The following CAMTA1 variants were observed in gnomAD, a reference collection of about 807,000 sequenced individuals.
The protein encoded by CAMTA1 is calmodulin-binding transcription activator 1.
Under a neutral mutation model 170.9 loss-of-function variants are expected in CAMTA1, and 27 were observed. The ratio of observed to expected loss-of-function variants is 0.16; its 90% confidence interval spans 0.12 to 0.22. The LOEUF (loss-of-function observed/expected upper bound fraction) is 0.22. CAMTA1 is among the 10% of genes least tolerant of loss of function. CAMTA1 has a pLI of 1.00. For missense variants in CAMTA1, 1,619 were observed against 2,217.2 expected, an observed-to-expected ratio of 0.73 and a Z score of 5.42; for synonymous variants, 833 against 891.5, an observed-to-expected ratio of 0.93 and a Z score of 1.17.
At chr1:7,434,852 G>T (rs1211494522) in intron 5 of CAMTA1, among the ~76,000 whole-genome samples, 1 of 146,418 alleles carries the variant, frequency 6.8e-6, no homozygotes, top group Non-Finnish European at 1.5e-5. Context: ...ACCAACCTGG[G>T]CAACATGGCA....
intron 4 of CAMTA1, among the ~76,000 whole-genome samples, chr1:7,219,147 A>G (rs536914852): frequency 6.6e-6 from 1 of 152,278 alleles, no homozygotes; most frequent in Non-Finnish European, 1.5e-5. Flanking sequence ...GCTTGTTTAC[A>G]CCGGCATCTG....
intron 11 of CAMTA1, among the ~76,000 whole-genome samples, chr1:7,690,058 CTGAG>C (rs1352204243): frequency 6.6e-6 from 1 of 152,170 alleles, no homozygotes; most frequent in Non-Finnish European, 1.5e-5. Context: ...ACTCGGGAGG[CTGAG>C]TGAGACAGGA....
chr1:7,707,911 A>G (rs961139988), intron 11 of CAMTA1, among the ~76,000 whole-genome samples: 2 of 152,176 alleles, frequency 1.3e-5, no homozygotes, highest in Non-Finnish European at 2.9e-5. Flanking sequence ...ATGTGACTAC[A>G]TTTGGCTTAA....
At chr1:6,926,630 C>T (rs1327224092) in intron 3 of CAMTA1, among the ~76,000 whole-genome samples, 3 of 146,372 alleles carry the variant, frequency 2.0e-5, no homozygotes, top group African/African-American at 7.6e-5. Context: ...CTCCCCTCCC[C>T]TCCTCTTCTT....
intron 3 of CAMTA1, among the ~76,000 whole-genome samples, chr1:7,048,657 C>T (rs916090101): frequency 2.6e-5 from 4 of 152,212 alleles, no homozygotes; most frequent in African/African-American, 9.6e-5. Context: ...GTCCCTGAGC[C>T]TTCCCTTGCA....
chr1:7,394,517 T>G (rs1339100994), intron 5 of CAMTA1, among the ~76,000 whole-genome samples: 3 of 152,204 alleles, frequency 2.0e-5, no homozygotes. Context: ...TCAGGTTTTT[T>G]GCCCACTTTT....
Position 7,701,872 on chromosome 1 carries a change from G to A in CAMTA1, c.2914+24139G>A, listed in dbSNP as rs568356158. Among the ~76,000 whole-genome samples, 97 of 152,206 alleles carry A rather than the reference G, an allele frequency of 6.4e-4. No homozygotes were observed. The South Asian group carries it at 0.017, about 27-fold the overall frequency. On this transcript the variant is annotated intron_variant, in intron 11 of 22. Coordinates refer to ENST00000303635, the MANE Select transcript of CAMTA1 (RefSeq NM_015215.4). ...GTAACAATATGCTTGAATCATGCGC[G>A]TGCCTTATTCTCTCATCTTCTAACT...
chr1:7,403,937 G>C (rs1046536101), intron 5 of CAMTA1, among the ~76,000 whole-genome samples: 8 of 152,292 alleles, frequency 5.3e-5, no homozygotes, highest in Middle Eastern at 3.4e-3. Context: ...GGCAGAGTCC[G>C]GGCCCCTGAC....
intron 11 of CAMTA1, among the ~76,000 whole-genome samples, chr1:7,684,999 G>A (rs932406496): frequency 2.6e-5 from 4 of 152,174 alleles, no homozygotes; most frequent in African/African-American, 7.2e-5. Context: ...GGACTCCGCG[G>A]TGTCGGGGAG....
At chr1:6,995,570 G>A (rs1316287756) in intron 3 of CAMTA1, among the ~76,000 whole-genome samples, 2 of 151,988 alleles carry the variant, frequency 1.3e-5, no homozygotes, top group African/African-American at 4.8e-5. Context: ...CCAAAGTGCT[G>A]GGATTACAGG....
intron 3 of CAMTA1, among the ~76,000 whole-genome samples, chr1:6,926,541 T>C (rs1026268121): frequency 7.9e-5 from 11 of 140,034 alleles, no homozygotes; most frequent in East Asian, 2.1e-4. Flanking sequence ...TCTCTCTTTC[T>C]TTCCTTCCTT....
At chr1:7,247,749 C>T (rs946082584) in intron 4 of CAMTA1, among the ~76,000 whole-genome samples, 2 of 152,104 alleles carry the variant, frequency 1.3e-5, no homozygotes, top group Admixed American at 6.5e-5. Flanking sequence ...GCTTACAGCA[C>T]GGTGAAGATT....
At chr1:6,847,380 C>T (rs1658605021) in intron 3 of CAMTA1, among the ~76,000 whole-genome samples, 1 of 152,054 alleles carries the variant, frequency 6.6e-6, no homozygotes, top group Non-Finnish European at 1.5e-5. Context: ...ACTATTAATA[C>T]TTCCTTTCCT....
intron 4 of CAMTA1, among the ~76,000 whole-genome samples, chr1:7,222,774 A>G (rs10399802): frequency 0.91 from 137,995 of 152,318 alleles, 62,745 homozygotes; most frequent in East Asian, 1. Context: ...CTTCATGGAG[A>G]GAGCTTGGGT....
In CAMTA1 at chr1:7,680,253, TC is replaced by T. The variant is rs1357236383; in HGVS notation, c.2914+2524del. On this transcript the variant is annotated intron_variant, in intron 11 of 22. Transcript: ENST00000303635. The surrounding 1 kb of genome is among the most constrained non-coding windows in gnomAD (Gnocchi z 4.4). Reference sequence around the variant, plus strand: ...TTCCCCGCCTGTCCCTCCCGGCCCCTCCCCTCGGTCTCCGCAGCTTCTCGGC... The same window carrying T: ...TTCCCCGCCTGTCCCTCCCGGCCCCTCCCTCGGTCTCCGCAGCTTCTCGGC... 4.3e-6 allele frequency: 1 copy of T among 230,544 alleles called. No homozygotes were observed. The highest frequency in any genetic ancestry group is 9.3e-6 in the Non-Finnish European group (1 of 106,992). 14.3% of individuals were successfully genotyped at this position (230,544 alleles called of 1,614,324 possible).
chr1:7,380,593 G>T (rs1010836610), intron 5 of CAMTA1, among the ~76,000 whole-genome samples: 3 of 152,122 alleles, frequency 2.0e-5, no homozygotes, highest in Non-Finnish European at 2.9e-5. Context: ...GAAAAGAAAA[G>T]AAGGTTGCCC....
intron 1 of CAMTA1, among the ~76,000 whole-genome samples, chr1:6,810,970 A>G (rs1476854819): frequency 2.0e-5 from 3 of 152,170 alleles, no homozygotes; most frequent in African/African-American, 4.8e-5. Flanking sequence ...CAGAGGCGGA[A>G]GTTTTGGAAG....
In CAMTA1 at chr1:7,041,622, G is replaced by A. The variant is rs924480699; in HGVS notation, c.235-49682G>A. Among the ~76,000 whole-genome samples, 4 of 152,182 alleles carry A rather than the reference G, an allele frequency of 2.6e-5. No homozygotes were observed. Among genetic ancestry groups the A allele is most frequent in the African/African-American group, 9.6e-5 (4 of 41,462 alleles). ...ATAGAATATTGGAGTGAAGAAATAC[G>A]CATAAAGGCACAATTACCATGGACA... On this transcript the variant is annotated intron_variant, in intron 3 of 22. Coordinates refer to ENST00000303635, the MANE Select transcript of CAMTA1 (RefSeq NM_015215.4). This position sits in a 1 kb window ranked among gnomAD's most constrained non-coding sequence, Gnocchi z 5.1.
intron 4 of CAMTA1, among the ~76,000 whole-genome samples, chr1:7,169,333 A>G (rs1249448897): frequency 6.6e-6 from 1 of 152,184 alleles, no homozygotes; most frequent in African/African-American, 2.4e-5. Context: ...TTTGTGTAAG[A>G]TGATGATTTG....
Sources: gnomAD v4.1 joint callset for allele counts (sites outside exome capture counted in the v4.1 genomes callset) on GRCh38, gnomAD v4.1.1 for gene constraint, Gnocchi (gnomAD v3.1) non-coding constraint, MANE v1.5 for transcripts, NCBI Gene and HGNC (gene_info 2026-07-23, HGNC 2026-07-21) for gene names.